SDK1: variants seen among roughly 807,000 people sequenced by gnomAD.
SDK1 encodes sidekick cell adhesion molecule 1.
SDK1 carries 157 observed loss-of-function variants against 245.5 expected under a neutral mutation model. The ratio of observed to expected loss-of-function variants is 0.64; its 90% CI spans 0.56 to 0.73. The LOEUF is 0.73. SDK1 is among the 30% of genes least tolerant of loss of function. The probability of loss-of-function intolerance (pLI) is 0.00; values close to 1 mark genes in which losing one functional copy is unlikely to be tolerated. For missense variants in SDK1, 3,583 were observed against 3,002.3 expected (o/e 1.19, Z -4.52); for synonymous variants, 1,647 against 1,278.5 (o/e 1.29, Z -6.15).
Position 4,268,739 on chromosome 7 carries a change from G to T in SDK1, c.*3355G>T, listed in dbSNP as rs764250866. 3 of 1,367,722 alleles carry T rather than the reference G, an allele frequency of 2.2e-6. No homozygotes were observed. The highest frequency in any genetic ancestry group is 2.9e-6 in the Non-Finnish European group (3 of 1,021,982). 84.7% of individuals were successfully genotyped at this position (1,367,722 alleles called of 1,614,324 possible). The stretch of plus-strand genomic sequence containing the variant: ...CCTAAGTGTGGCTCCCCGTGGGTCA[G>T]CGTCCTGGTAGCATGGATCCAGTCT... On this transcript the variant is annotated 3_prime_UTR_variant, in exon 45 of 45. Transcript: ENST00000404826.
intron 4 of SDK1, among the ~76,000 whole-genome samples, chr7:3,659,530 G>T (rs536876486): frequency 6.6e-6 from 1 of 152,154 alleles, no homozygotes; most frequent in Non-Finnish European, 1.5e-5. Context: ...TTCCAAGGCC[G>T]AAAGGGGGCC....
intron 5 of SDK1, among the ~76,000 whole-genome samples, chr7:3,854,855 A>G (rs1357340624): frequency 6.6e-6 from 1 of 152,224 alleles, no homozygotes; most frequent in African/African-American, 2.4e-5. Context: ...ATCGCTATAG[A>G]GAACAGACAA....
At chr7:3,527,013 G>A (rs1783161118) in intron 1 of SDK1, among the ~76,000 whole-genome samples, 1 of 152,154 alleles carries the variant, frequency 6.6e-6, no homozygotes, top group African/African-American at 2.4e-5. Context: ...AATTATATAA[G>A]TTCTATTATT....
At chr7:3,982,827 G>A (rs892814032) in intron 13 of SDK1, among the ~76,000 whole-genome samples, 6 of 150,334 alleles carry the variant, frequency 4.0e-5, no homozygotes, top group Middle Eastern at 3.4e-3. Context: ...GCGACAGAGC[G>A]AGACAACATC....
intron 17 of SDK1, among the ~76,000 whole-genome samples, chr7:4,049,063 C>T (rs1460753606): frequency 2.6e-5 from 4 of 152,142 alleles, no homozygotes; most frequent in East Asian, 3.8e-4. Context: ...GCTTGCCGTC[C>T]GTCTTGGAAC....
intron 5 of SDK1, among the ~76,000 whole-genome samples, chr7:3,885,286 A>G (rs1448455491): frequency 6.6e-6 from 1 of 152,100 alleles, no homozygotes; most frequent in Non-Finnish European, 1.5e-5. Flanking sequence ...AACGTCTGTA[A>G]ACTGACTGAC....
chr7:3,616,578 C>G (rs1781779598), intron 1 of SDK1, among the ~76,000 whole-genome samples: 1 of 152,140 alleles, frequency 6.6e-6, no homozygotes, highest in South Asian at 2.1e-4. Context: ...GTTAAATCTC[C>G]TACTGTAAGT....
At chr7:4,200,141 C>T (rs933930466) in intron 35 of SDK1, among the ~76,000 whole-genome samples, 2 of 152,128 alleles carry the variant, frequency 1.3e-5, no homozygotes, top group Non-Finnish European at 2.9e-5. Context: ...ATTTCCTCTG[C>T]GTACCTGTAG....
At chr7:3,674,548 G>C (rs1783828481) in intron 4 of SDK1, among the ~76,000 whole-genome samples, 1 of 152,194 alleles carries the variant, frequency 6.6e-6, no homozygotes, top group African/African-American at 2.4e-5. Context: ...GAGGGATGTA[G>C]TGTGGAGTAA....
chr7:4,077,307 G>A (rs1584043984), intron 21 of SDK1, 118 bp downstream of exon 21: 1 of 948,246 alleles, frequency 1.1e-6, no homozygotes, highest in Non-Finnish European at 1.6e-6. Context: ...AGGAGTAGTG[G>A]CCTCCTGCCA....
intron 4 of SDK1, among the ~76,000 whole-genome samples, chr7:3,675,031 A>G (rs1363223422): frequency 5.9e-5 from 9 of 152,146 alleles, no homozygotes; most frequent in East Asian, 3.9e-4. Flanking sequence ...AATTCTGTAC[A>G]TGGGTTAGAG....
intron 44 of SDK1, among the ~76,000 whole-genome samples, chr7:4,254,830 A>C (rs1160972111): frequency 6.6e-6 from 1 of 152,066 alleles, no homozygotes; most frequent in Non-Finnish European, 1.5e-5. Flanking sequence ...GTGTGCTCTC[A>C]TGTTGCTCCT....
At chr7:3,933,165 C>T (rs1359901962) in intron 5 of SDK1, among the ~76,000 whole-genome samples, 1 of 125,276 alleles carries the variant, frequency 8.0e-6, no homozygotes, top group African/African-American at 3.3e-5. Flanking sequence ...GGCTGGAGTA[C>T]AGTGGCTTGA....
intron 1 of SDK1, among the ~76,000 whole-genome samples, chr7:3,537,321 A>G (rs774317195): frequency 4.6e-5 from 7 of 152,162 alleles, no homozygotes; most frequent in South Asian, 4.1e-4. Context: ...CTTAATGTCT[A>G]TGTAACTGGC....
At chr7:3,331,601 T>A (rs879361763) in intron 1 of SDK1, among the ~76,000 whole-genome samples, 2 of 152,232 alleles carry the variant, frequency 1.3e-5, no homozygotes, top group Non-Finnish European at 2.9e-5. Flanking sequence ...TTCATTGAAG[T>A]GCAAAAGCGT....
At chr7:4,154,542 G>T (rs887178592) in intron 30 of SDK1, among the ~76,000 whole-genome samples, 1 of 152,114 alleles carries the variant, frequency 6.6e-6, no homozygotes, top group African/African-American at 2.4e-5. Context: ...TGAGGGCTCC[G>T]GGGTGGGGGA....
chr7:3,809,997 A>G (rs1160928915), intron 4 of SDK1, among the ~76,000 whole-genome samples: 1 of 152,234 alleles, frequency 6.6e-6, no homozygotes, highest in East Asian at 1.9e-4. Context: ...CCTCCCAGGA[A>G]TATTCTTGTA....
chr7:3,382,940 G>C (rs1372710011), intron 1 of SDK1, among the ~76,000 whole-genome samples: 2 of 151,810 alleles, frequency 1.3e-5, no homozygotes, highest in East Asian at 3.9e-4. Flanking sequence ...AGCTTATTTT[G>C]GGTAAAAAGA....
At chr7:3,600,075 C>A (rs898247567) in intron 1 of SDK1, among the ~76,000 whole-genome samples, 1 of 152,156 alleles carries the variant, frequency 6.6e-6, no homozygotes, top group African/African-American at 2.4e-5. Flanking sequence ...TGTGTCTCCT[C>A]ATTTAATTCA....
Sources: gnomAD v4.1 joint callset for allele counts (sites outside exome capture counted in the v4.1 genomes callset) on GRCh38, gnomAD v4.1.1 for gene constraint, MANE v1.5 for transcripts, NCBI Gene and HGNC (gene_info 2026-07-23, HGNC 2026-07-21) for gene names.